Variants in QTMAN observed in about 807,000 individuals in gnomAD.
QTMAN encodes the protein queuosine-tRNA mannosyltransferase, also known as tRNA-queuosine alpha-mannosyltransferase.
At chr2:144,204,399 T>C in the QTMAN span, among the ~76,000 whole-genome samples, 7 of 152,274 alleles carry the variant, frequency 4.6e-5, no homozygotes, top group East Asian at 1.2e-3. Context: ...AAAATTCTCA[T>C]CATCACTGGC....
the QTMAN span, among the ~76,000 whole-genome samples, chr2:143,960,238 A>C: frequency 1.3e-5 from 2 of 152,108 alleles, no homozygotes; most frequent in Admixed American, 1.3e-4. Context: ...ACACTGCAAA[A>C]TGCCAACAAA....
At chr2:144,035,254 T>C in the QTMAN span, among the ~76,000 whole-genome samples, 1 of 152,202 alleles carries the variant, frequency 6.6e-6, no homozygotes, top group African/African-American at 2.4e-5. Flanking sequence ...GTAAGTTTCC[T>C]GAGGCCTCCC....
At chr2:143,985,706 A>G in the QTMAN span, among the ~76,000 whole-genome samples, 2 of 151,656 alleles carry the variant, frequency 1.3e-5, no homozygotes, top group Non-Finnish European at 2.9e-5. Context: ...ATATTAATTT[A>G]CAATGCTATT....
the QTMAN span, among the ~76,000 whole-genome samples, chr2:143,949,188 C>T: frequency 2.0e-5 from 3 of 152,006 alleles, no homozygotes; most frequent in East Asian, 1.9e-4. Context: ...GGAATTTAAA[C>T]ATTTCAGGTC....
At chr2:144,155,961 G>T in the QTMAN span, among the ~76,000 whole-genome samples, 2 of 150,306 alleles carry the variant, frequency 1.3e-5, no homozygotes, top group African/African-American at 4.9e-5. Flanking sequence ...GAAAAATATA[G>T]GGACTTGCTA....
At chr2:144,050,940 G>C in the QTMAN span, among the ~76,000 whole-genome samples, 1 of 152,040 alleles carries the variant, frequency 6.6e-6, no homozygotes, top group African/African-American at 2.4e-5. Context: ...CATGAATGCA[G>C]AACACACAAA....
chr2:143,990,466 T>C, the QTMAN span, among the ~76,000 whole-genome samples: 6,083 of 152,164 alleles, frequency 0.04, 232 homozygotes, highest in East Asian at 0.17. Context: ...GGCTATTAAG[T>C]AGTTTAAGTT....
the QTMAN span, among the ~76,000 whole-genome samples, chr2:144,147,754 G>A: frequency 6.6e-6 from 1 of 151,844 alleles, no homozygotes; most frequent in East Asian, 1.9e-4. Flanking sequence ...GGGGAAATCT[G>A]GTAGAAACCA....
At chr2:144,179,233 T>G in the QTMAN span, among the ~76,000 whole-genome samples, 2 of 152,178 alleles carry the variant, frequency 1.3e-5, no homozygotes, top group African/African-American at 2.4e-5. Flanking sequence ...ATTCCTTTAC[T>G]GACAGTAGAG....
At chr2:143,991,666 C>T in the QTMAN span, among the ~76,000 whole-genome samples, 27 of 129,896 alleles carry the variant, frequency 2.1e-4, no homozygotes, top group Admixed American at 8.2e-4. Flanking sequence ...CCCAGCCAGC[C>T]GCCCCGTCTG....
chr2:144,313,692 A>G, the QTMAN span, among the ~76,000 whole-genome samples: 3 of 152,080 alleles, frequency 2.0e-5, no homozygotes, highest in Non-Finnish European at 4.4e-5. Context: ...AAAATGAAAA[A>G]TTCTGTGCAA....
the QTMAN span, among the ~76,000 whole-genome samples, chr2:144,133,377 AATAAT>A: frequency 2.0e-5 from 1 of 50,358 alleles, no homozygotes; most frequent in East Asian, 5.5e-4. Context: ...AATATATAAT[AATAAT>A]ATAATATATA....
At chr2:144,024,936 T>C in the QTMAN span, among the ~76,000 whole-genome samples, 1 of 152,174 alleles carries the variant, frequency 6.6e-6, no homozygotes, top group Non-Finnish European at 1.5e-5. Context: ...ACAATCTATT[T>C]TGAAAGAAAA....
the QTMAN span, among the ~76,000 whole-genome samples, chr2:144,128,834 G>T: frequency 6.6e-6 from 1 of 151,982 alleles, no homozygotes; most frequent in African/African-American, 2.4e-5. Context: ...CCTGTCTACA[G>T]TGGAAATGTA....
chr2:144,131,741 G>A, the QTMAN span, among the ~76,000 whole-genome samples: 1 of 151,868 alleles, frequency 6.6e-6, no homozygotes, highest in Non-Finnish European at 1.5e-5. Flanking sequence ...CTAACAGCAA[G>A]AAATAACATG....
At chr2:144,031,736 C>T in the QTMAN span, among the ~76,000 whole-genome samples, 1 of 152,048 alleles carries the variant, frequency 6.6e-6, no homozygotes. Context: ...TTTTTATGCT[C>T]TTAGGGGGTA....
the QTMAN span, among the ~76,000 whole-genome samples, chr2:144,199,356 G>A: frequency 1.3e-5 from 2 of 152,108 alleles, no homozygotes; most frequent in Non-Finnish European, 2.9e-5. Context: ...GCCTTCTACT[G>A]AACTTCTTTA....
At chr2:144,161,481 A>T in the QTMAN span, among the ~76,000 whole-genome samples, 1 of 152,296 alleles carries the variant, frequency 6.6e-6, no homozygotes, top group South Asian at 2.1e-4. Context: ...TACCAGAAAG[A>T]AGTTTTGTGA....
At chr2:144,141,434 G>C in the QTMAN span, among the ~76,000 whole-genome samples, 1 of 150,834 alleles carries the variant, frequency 6.6e-6, no homozygotes, top group East Asian at 1.9e-4. Context: ...TAAAAATAAA[G>C]AAAAAATAAA....
Sources: allele counts gnomAD v4.1 joint callset (sites outside exome capture counted in the v4.1 genomes callset), GRCh38; gene constraint gnomAD v4.1.1; transcripts MANE v1.5; gene names NCBI Gene and HGNC (gene_info 2026-07-23, HGNC 2026-07-21).